The following MYLK4 variants were observed in gnomAD, a reference collection of about 807,000 sequenced individuals.
MYLK4 encodes the protein caMLCK like.
A neutral mutation model predicts 48.1 loss-of-function variants in MYLK4; 46 were observed. The ratio of observed to expected loss-of-function variants is 0.96; its 90% confidence interval spans 0.75 to 1.22. The LOEUF is 1.22. Ranked by LOEUF, MYLK4 falls within the 50% of genes most tolerant of loss-of-function variation. The pLI is 0.00. For synonymous variants in MYLK4, 170 were observed against 180.8 expected, an observed-to-expected ratio of 0.94 and a Z score of 0.48; for missense variants, 451 against 486.1, an observed-to-expected ratio of 0.93 and a Z score of 0.68.
At chr6:2,745,191 T>TA (rs1250967701) in intron 2 of MYLK4, among the ~76,000 whole-genome samples, 4 of 152,112 alleles carry the variant, frequency 2.6e-5, no homozygotes, top group Non-Finnish European at 5.9e-5. Flanking sequence ...TGTGTTTCAT[T>TA]AAGCAAAGGG....
At position 2,697,837 on chromosome 6, in the gene MYLK4, T is replaced by G. The variant is rs949884080; in HGVS notation, c.160-4978A>C. 2.1e-4 allele frequency among the ~76,000 whole-genome samples: 32 copies of G among 152,166 alleles called. 1 individual carries two copies. Among genetic ancestry groups the G allele is most frequent in the African/African-American group, 7.2e-4 (30 of 41,422 alleles). On this transcript the variant is annotated intron_variant, in intron 2 of 12. Coordinates refer to ENST00000274643, the MANE Select transcript of MYLK4 (RefSeq NM_001012418.5). ...ACGGACCCTTCTCTTCCCCTTCGTTTCCCCAGCACCGAACAGAGGGTAAAG... is the reference window on the plus strand; with the variant it reads ...ACGGACCCTTCTCTTCCCCTTCGTTGCCCCAGCACCGAACAGAGGGTAAAG...
intron 2 of MYLK4, among the ~76,000 whole-genome samples, chr6:2,711,236 T>A (rs192255972): frequency 6.6e-6 from 1 of 152,354 alleles, no homozygotes; most frequent in East Asian, 1.9e-4. Context: ...TGCCTCTGAA[T>A]TTCCCACAAG....
chr6:2,716,285 A>G (rs6913006), intron 2 of MYLK4, among the ~76,000 whole-genome samples: 1 of 152,136 alleles, frequency 6.6e-6, no homozygotes, highest in Non-Finnish European at 1.5e-5. Flanking sequence ...ACCCCTTCAT[A>G]GGGTTTTCAC....
chr6:2,764,260 CTT>C, the MYLK4 span, among the ~76,000 whole-genome samples: 15 of 152,160 alleles, frequency 9.9e-5, no homozygotes, highest in Admixed American at 2.6e-4. Flanking sequence ...AGAAACAACT[CTT>C]AACCAGCCAG....
intron 2 of MYLK4, among the ~76,000 whole-genome samples, chr6:2,708,904 A>C (rs1411310662): frequency 6.6e-6 from 1 of 152,206 alleles, no homozygotes; most frequent in Non-Finnish European, 1.5e-5. Context: ...CAAGCCATGT[A>C]CCTATAAAAT....
At chr6:2,768,675 A>G in the MYLK4 span, 4 of 1,584,940 alleles carry the variant, frequency 2.5e-6, no homozygotes, top group African/African-American at 1.4e-5. Flanking sequence ...AACTCCATGT[A>G]TGTCATCTTT....
chr6:2,690,782 T>A (rs1019737797), intron 3 of MYLK4, among the ~76,000 whole-genome samples: 6 of 151,722 alleles, frequency 4.0e-5, no homozygotes, highest in Non-Finnish European at 8.8e-5. Flanking sequence ...GAGAAATTAT[T>A]AAATTATAGC....
In MYLK4 at chr6:2,684,602, A is replaced by T. The variant is rs555862114; in HGVS notation, c.545+694T>A. 5.9e-5 allele frequency among the ~76,000 whole-genome samples: 9 copies of T among 152,356 alleles called. No homozygotes were observed. In the South Asian group the frequency reaches 1.7e-3, roughly 28 times the overall value. On this transcript the variant is annotated intron_variant, in intron 6 of 12. Coordinates refer to ENST00000274643, the MANE Select transcript of MYLK4 (RefSeq NM_001012418.5). ...ATCGTAAATCAAAATGTTTGACCAA[A>T]AAACAATAAAAATTGACAATACAAC...
chr6:2,713,285 G>C (rs1217521091), intron 2 of MYLK4, among the ~76,000 whole-genome samples: 2 of 151,594 alleles, frequency 1.3e-5, no homozygotes, highest in Non-Finnish European at 2.9e-5. Flanking sequence ...CAGGAGAATC[G>C]CTTGAACCCA....
rs369339405 is a variant in MYLK4 at position 2,722,512 on chromosome 6, AGTGTGTGTGTGTGT to A, written c.159+26610_159+26623del. 2.7e-4 allele frequency among the ~76,000 whole-genome samples: 38 copies of A among 139,542 alleles called. 1 individual carries two copies. The South Asian group carries it at 5.6e-3, about 21-fold the overall frequency. The allele number at this position is 139,542 out of a possible 152,430, so 91.5% of individuals were successfully genotyped here. A position where few individuals can be genotyped will look rare whatever the true frequency, so the allele number is the denominator to read the frequency against. The stretch of plus-strand genomic sequence containing the variant: ...AGAGCAGGAAGTAGGACATAAAAGG[AGTGTGTGTGTGTGT>A]GTGTGTGTGTGTGTGTGTGTGTGTG... On this transcript the variant is annotated intron_variant, in intron 2 of 12. Coordinates refer to ENST00000274643, the MANE Select transcript of MYLK4 (RefSeq NM_001012418.5).
At chr6:2,713,012 T>C (rs73350462) in intron 2 of MYLK4, among the ~76,000 whole-genome samples, 2,191 of 152,274 alleles carry the variant, frequency 0.014, 46 homozygotes, top group African/African-American at 0.05. Flanking sequence ...ACAGTTTCCA[T>C]TGGATCCAAA....
upstream of MYLK4, among the ~76,000 whole-genome samples, chr6:2,752,778 C>T (rs1764328422): frequency 6.6e-6 from 1 of 152,118 alleles, no homozygotes; most frequent in Non-Finnish European, 1.5e-5. Context: ...TGATTAATGA[C>T]TAGATAGAAT....
intron 2 of MYLK4, chr6:2,743,777 A>G (rs73352601): frequency 0.059 from 23,223 of 395,914 alleles, 1,465 homozygotes; most frequent in East Asian, 0.26. Flanking sequence ...CCCTAAGACC[A>G]GGGCCCTGGG....
At chr6:2,764,185 T>C in the MYLK4 span, among the ~76,000 whole-genome samples, 1 of 152,186 alleles carries the variant, frequency 6.6e-6, no homozygotes, top group African/African-American at 2.4e-5. Flanking sequence ...TACATGATGA[T>C]TAAAGTTTAA....
rs191615188 is a variant in MYLK4, at chr6:2,717,233, C to G, written c.160-24374G>C. ...GTACGTAATTTGTGTAAAGTCTGACCCTTCCTATGCCATTTCAGACTCACT... is the reference window on the plus strand; with the variant it reads ...GTACGTAATTTGTGTAAAGTCTGACGCTTCCTATGCCATTTCAGACTCACT... On this transcript the variant is annotated intron_variant, in intron 2 of 12. Transcript: ENST00000274643. Among the ~76,000 whole-genome samples, 5 of 152,322 alleles carry G rather than the reference C, an allele frequency of 3.3e-5. No homozygotes were observed. The East Asian group carries it at 9.6e-4, about 29-fold the overall frequency.
chr6:2,703,119 A>G (rs1327061630), intron 2 of MYLK4, among the ~76,000 whole-genome samples: 2 of 152,042 alleles, frequency 1.3e-5, no homozygotes, highest in South Asian at 4.1e-4. Context: ...CCATCCTAAG[A>G]CCAGTAACTA....
At chr6:2,716,877 A>G (rs1460625883) in intron 2 of MYLK4, among the ~76,000 whole-genome samples, 1 of 152,256 alleles carries the variant, frequency 6.6e-6, no homozygotes, top group East Asian at 1.9e-4. Flanking sequence ...GAACATAGTG[A>G]GCTCTCAATA....
At chr6:2,694,224 G>T (rs1761927768) in intron 2 of MYLK4, among the ~76,000 whole-genome samples, 4 of 151,956 alleles carry the variant, frequency 2.6e-5, no homozygotes, top group Admixed American at 2.6e-4. Context: ...GTCCAGAGAC[G>T]GCACTTGCCT....
At chr6:2,765,252 T>G in the MYLK4 span, among the ~76,000 whole-genome samples, 3 of 134,096 alleles carry the variant, frequency 2.2e-5, no homozygotes, top group Admixed American at 8.4e-5. Context: ...GCACGGCAGC[T>G]GGGGCGAATG....
Sources: allele counts gnomAD v4.1 joint callset (sites outside exome capture counted in the v4.1 genomes callset), GRCh38; gene constraint gnomAD v4.1.1; transcripts MANE v1.5; gene names NCBI Gene and HGNC (gene_info 2026-07-23, HGNC 2026-07-21).